Variants in VSTM4 observed in about 807,000 individuals in gnomAD.
The protein encoded by VSTM4 is V-set and transmembrane domain containing 4.
In VSTM4, 20 loss-of-function variants were observed where a neutral mutation model predicts 36.4. The ratio of observed to expected loss-of-function variants is 0.55; its 90% CI spans 0.39 to 0.80. The LOEUF (loss-of-function observed/expected upper bound fraction) is 0.80, where lower values mean the gene tolerates loss of function less well. VSTM4 is among the 30% of genes least tolerant of loss of function. The pLI is 0.00. For synonymous variants in VSTM4, 182 were observed against 173.9 expected (o/e 1.05, Z -0.37); for missense variants, 392 against 404.5 (o/e 0.97, Z 0.26).
intron 5 of VSTM4, among the ~76,000 whole-genome samples, chr10:49,050,580 G>A (rs1296646875): frequency 6.6e-6 from 1 of 151,954 alleles, no homozygotes; most frequent in African/African-American, 2.4e-5. Flanking sequence ...TAGAGTACAG[G>A]GTCAATTGTG....
intron 3 of VSTM4, among the ~76,000 whole-genome samples, chr10:49,081,083 A>G (rs75336743): frequency 0.032 from 4,902 of 152,280 alleles, 259 homozygotes; most frequent in African/African-American, 0.11. Flanking sequence ...GGGACAGAGC[A>G]AAGTTCACAG....
intron 2 of VSTM4, chr10:49,103,654 G>A: frequency 6.5e-7 from 1 of 1,545,372 alleles, no homozygotes; most frequent in Non-Finnish European, 8.7e-7. Context: ...GCTGGGCGAG[G>A]TGTTCATGAC....
chr10:49,105,338 G>A (rs1395303742), intron 2 of VSTM4, among the ~76,000 whole-genome samples: 5 of 147,486 alleles, frequency 3.4e-5, no homozygotes, highest in African/African-American at 1.2e-4. Context: ...ACGGGGGGGG[G>A]AGAGACAGAG....
At chr10:49,093,445 G>A (rs758840580) in intron 2 of VSTM4, among the ~76,000 whole-genome samples, 8 of 152,186 alleles carry the variant, frequency 5.3e-5, no homozygotes, top group Admixed American at 1.3e-4. Context: ...AGAAAATGAT[G>A]TGCAGAACAC....
intron 5 of VSTM4, among the ~76,000 whole-genome samples, chr10:49,059,673 G>A (rs982796317): frequency 6.6e-6 from 1 of 152,094 alleles, no homozygotes; most frequent in Non-Finnish European, 1.5e-5. Context: ...AATCACCCTA[G>A]TCTTGGGGGC....
intron 7 of VSTM4, among the ~76,000 whole-genome samples, chr10:49,020,764 G>T (rs904602616): frequency 1.4e-5 from 2 of 144,650 alleles, no homozygotes; most frequent in African/African-American, 5.1e-5. Flanking sequence ...AGGGAGGGAG[G>T]GAGGGAGGCA....
In VSTM4 at chr10:49,048,477, C is replaced by T. The variant is rs753137201; in HGVS notation, c.775+1G>A. On this transcript the variant is annotated splice_donor_variant, in intron 6 of 7. Transcript: ENST00000332853. LOFTEE classifies it high-confidence loss of function. ...TAAGAAACTGCAGGCCAGCTCCTTA[C>T]CTTTGGCAGGGACTGCGGGAGGAAT... The T allele has an allele frequency of 1.3e-6, 2 of 1,586,026 alleles. No homozygotes were observed. The highest frequency in any genetic ancestry group is 2.7e-5 in the African/African-American group (2 of 73,034).
At chr10:49,020,551 T>A (rs2131927643) in intron 7 of VSTM4, among the ~76,000 whole-genome samples, 2 of 149,034 alleles carry the variant, frequency 1.3e-5, no homozygotes, top group Non-Finnish European at 3.0e-5. Context: ...ATGAAGGAAG[T>A]TTAAAAATGC....
At chr10:49,106,432 T>C (rs1396574616) in intron 2 of VSTM4, among the ~76,000 whole-genome samples, 1 of 152,232 alleles carries the variant, frequency 6.6e-6, no homozygotes, top group Admixed American at 6.5e-5. Context: ...TCTTCCCGAA[T>C]AGAAACATTG....
intron 2 of VSTM4, 84 bp downstream of exon 2, chr10:49,107,510 G>C: frequency 6.7e-7 from 1 of 1,499,244 alleles, no homozygotes; most frequent in Non-Finnish European, 8.9e-7. Context: ...CAGCCAACCC[G>C]GGAGCCCCTG....
rs570513205 is a variant in VSTM4, at chr10:49,074,645, G to A, written c.634+2574C>T. 3.9e-5 allele frequency among the ~76,000 whole-genome samples: 6 copies of A among 152,292 alleles called. No individual in the cohort carries two copies. The East Asian group carries it at 1.2e-3, about 29-fold the overall frequency. On this transcript the variant is annotated intron_variant, in intron 4 of 7. Transcript: ENST00000332853. ...ATGCCTGGCTCCTGGAGGTGCATGG[G>A]GCAAGACCTGCCCTGCCAATGGGAG...
At chr10:49,107,025 C>T (rs934547464) in intron 2 of VSTM4, among the ~76,000 whole-genome samples, 5 of 152,332 alleles carry the variant, frequency 3.3e-5, no homozygotes, top group South Asian at 2.1e-4. Context: ...CTTCAAACTT[C>T]GATAAGCATC....
At chr10:49,094,225 C>T (rs1418772841) in intron 2 of VSTM4, among the ~76,000 whole-genome samples, 1 of 152,168 alleles carries the variant, frequency 6.6e-6, no homozygotes, top group East Asian at 1.9e-4. Flanking sequence ...GGGGTTGCGC[C>T]AGCACACCTG....
At chr10:49,093,742 CTT>C (rs35299738) in intron 2 of VSTM4, among the ~76,000 whole-genome samples, 7,494 of 102,804 alleles carry the variant, frequency 0.073, 170 homozygotes, top group South Asian at 0.23. Flanking sequence ...CATAGTTACT[CTT>C]TTTTTTTTTT....
chr10:49,059,597 A>C (rs74130468), intron 5 of VSTM4, among the ~76,000 whole-genome samples: 1,895 of 152,302 alleles, frequency 0.012, 29 homozygotes, highest in African/African-American at 0.041. Context: ...AATCCTGAGC[A>C]TGTTGGCGGG....
chr10:49,032,627 A>C (rs72783181), intron 7 of VSTM4, among the ~76,000 whole-genome samples: 4 of 152,230 alleles, frequency 2.6e-5, no homozygotes, highest in Non-Finnish European at 5.9e-5. Flanking sequence ...AAAGAAAACC[A>C]GTCTGATACT....
At chr10:49,074,216 T>A (rs370889261) in intron 4 of VSTM4, among the ~76,000 whole-genome samples, 1 of 152,256 alleles carries the variant, frequency 6.6e-6, no homozygotes, top group Admixed American at 6.5e-5. Context: ...TATAAATTGC[T>A]TTCCTCTGAT....
intron 2 of VSTM4, among the ~76,000 whole-genome samples, chr10:49,095,153 A>G (rs1001903592): frequency 2.6e-5 from 4 of 152,230 alleles, no homozygotes; most frequent in African/African-American, 9.6e-5. Flanking sequence ...GCTACAGAGC[A>G]CAAAGGCTAT....
rs1023928050 is a variant in VSTM4, at chr10:49,015,925, G to A, written c.*3725C>T. 1 of 152,250 alleles carries A rather than the reference G, an allele frequency of 6.6e-6. No individual in the cohort carries two copies. Among genetic ancestry groups the A allele is most frequent in the African/African-American group, 2.4e-5 (1 of 41,444 alleles). The allele number at this position is 152,250 out of a possible 1,614,324, so 9.4% of individuals were successfully genotyped here. A position where few individuals can be genotyped will look rare whatever the true frequency, so the allele number is the denominator to read the frequency against. On this transcript the variant is annotated 3_prime_UTR_variant, in exon 8 of 8. Coordinates refer to ENST00000332853, the MANE Select transcript of VSTM4 (RefSeq NM_001031746.5). ...CCTGTTGGTGTCCCTCTCCAAATCTGAGGCCTCCCTTCCTTAGGGAGAGCA... is the reference window on the plus strand; with the variant it reads ...CCTGTTGGTGTCCCTCTCCAAATCTAAGGCCTCCCTTCCTTAGGGAGAGCA...
Sources: allele counts gnomAD v4.1 joint callset (sites outside exome capture counted in the v4.1 genomes callset), GRCh38; gene constraint gnomAD v4.1.1; transcripts MANE v1.5; gene names NCBI Gene and HGNC (gene_info 2026-07-23, HGNC 2026-07-21).